The following KAT6B variants were observed in gnomAD, a reference collection of about 807,000 sequenced individuals.
The protein encoded by KAT6B is histone acetyltransferase KAT6B.
In KAT6B, 10 loss-of-function variants were observed where a neutral mutation model predicts 187.5. That is an observed-to-expected ratio of 0.05 (90% CI 0.03 to 0.09). KAT6B has a LOEUF of 0.09. Ranked by LOEUF, KAT6B falls within the 10% of genes least tolerant of loss-of-function variation. The pLI is 1.00. For missense variants in KAT6B, 1,952 were observed against 2,558.9 expected, an observed-to-expected ratio of 0.76 and a Z score of 5.12; for synonymous variants, 861 against 926.8, an observed-to-expected ratio of 0.93 and a Z score of 1.29.
intron 3 of KAT6B, among the ~76,000 whole-genome samples, chr10:74,928,548 C>T (rs1848651711): frequency 6.6e-6 from 1 of 152,082 alleles, no homozygotes; most frequent in Non-Finnish European, 1.5e-5. Context: ...ATAATATTTT[C>T]TATTTCATCA....
intron 4 of KAT6B, among the ~76,000 whole-genome samples, chr10:74,962,275 TTTGGGGGTTC>T (rs1841150745): frequency 6.6e-6 from 1 of 151,978 alleles, no homozygotes; most frequent in South Asian, 2.1e-4. Flanking sequence ...TTTTAGGGAG[TTTGGGGGTTC>T]TTGTGGTTCT....
At chr10:74,984,552 A>T (rs1842708652) in intron 11 of KAT6B, 1 of 156,050 alleles carries the variant, frequency 6.4e-6, no homozygotes, top group Admixed American at 6.3e-5. Context: ...ATCTTTTCCA[A>T]TTATATTTAA....
chr10:74,990,416 G>T (rs1363350490), intron 13 of KAT6B, among the ~76,000 whole-genome samples: 1 of 151,874 alleles, frequency 6.6e-6, no homozygotes, highest in Non-Finnish European at 1.5e-5. Flanking sequence ...ATATTGTTAG[G>T]TATTAAAAGA....
intron 4 of KAT6B, among the ~76,000 whole-genome samples, chr10:74,969,136 A>G (rs1337403937): frequency 6.6e-6 from 1 of 152,120 alleles, no homozygotes; most frequent in African/African-American, 2.4e-5. Flanking sequence ...TAGCCCAGCA[A>G]TGGGATGTTC....
At chr10:74,972,389 G>T in intron 6 of KAT6B, 118 bp from the exon 7 acceptor site, 1 of 720,894 alleles carries the variant, frequency 1.4e-6, no homozygotes, top group Non-Finnish European at 2.3e-6. Context: ...CGCATTTTTT[G>T]GAGTAAAGTT....
At chr10:75,013,499 T>C (rs539578832) in intron 13 of KAT6B, among the ~76,000 whole-genome samples, 2 of 152,242 alleles carry the variant, frequency 1.3e-5, no homozygotes, top group Admixed American at 1.3e-4. Context: ...CAGGCAAAAG[T>C]AGGAAAACAA....
chr10:74,877,931 G>GA lies in KAT6B; in HGVS notation c.621+34464dup, dbSNP rs111871596. Among the ~76,000 whole-genome samples, 1,205 of 129,948 alleles carry GA rather than the reference G, an allele frequency of 9.3e-3. 16 individuals carry two copies. Among genetic ancestry groups the GA allele is most frequent in the African/African-American group, 0.031 (1,107 of 35,324 alleles). 85.3% of individuals were successfully genotyped at this position (129,948 alleles called of 152,430 possible). ...TAAAGGGAAATACCAGATTGTAAAA[G>GA]AAAAAAAAAAAGCATGCTGGTTGTA... is the stretch of plus-strand genomic sequence containing the variant. On this transcript the variant is annotated intron_variant, in intron 3 of 17. Transcript: ENST00000287239.
intron 3 of KAT6B, among the ~76,000 whole-genome samples, chr10:74,923,454 A>G (rs552306071): frequency 2.4e-4 from 36 of 152,308 alleles, no homozygotes; most frequent in African/African-American, 8.4e-4. Context: ...GAGAAATGCT[A>G]TGGAGAAAAA....
intron 3 of KAT6B, among the ~76,000 whole-genome samples, chr10:74,901,032 A>G (rs1285783339): frequency 2.0e-5 from 3 of 151,956 alleles, no homozygotes; most frequent in Non-Finnish European, 4.4e-5. Flanking sequence ...AAAATCTTAA[A>G]TATCTTTTAC....
intron 3 of KAT6B, among the ~76,000 whole-genome samples, chr10:74,900,827 G>A (rs768125219): frequency 6.6e-6 from 1 of 152,204 alleles, no homozygotes; most frequent in Non-Finnish European, 1.5e-5. Flanking sequence ...TGTTGGGGGA[G>A]TGGGGGTTAA....
chr10:74,976,891 G>T, intron 8 of KAT6B: 1 of 270,248 alleles, frequency 3.7e-6, no homozygotes, highest in Non-Finnish European at 7.1e-6. Flanking sequence ...TAATTTCATT[G>T]AACAAATTGG....
chr10:74,976,032 T>C lies in KAT6B; in HGVS notation c.1695T>C (p.Tyr565=), dbSNP rs1267373046. 4.3e-6 allele frequency: 7 copies of C among 1,614,214 alleles called. No homozygotes were observed. The East Asian group carries it at 1.6e-4, about 36-fold the overall frequency. ...GQSRKKGHPS[Y]APPKRMRRKT... ...CTCGCAAAAAGGGACACCCGAGTTA[T>C]GCACCACCCAAACGTATGCGTCGTA... Residue 565 remains tyrosine, a synonymous_variant, in exon 8 of 18, where the codon TAT becomes TAC. Coordinates refer to ENST00000287239, the MANE Select transcript of KAT6B (RefSeq NM_012330.4).
rs539095319 is a variant in KAT6B, at chr10:74,880,751, G to A, written c.621+37273G>A. On this transcript the variant is annotated intron_variant, in intron 3 of 17. Transcript: ENST00000287239. ...CTGCCTCAGCCTCCCAAGTAACTGG[G>A]ATTACAGGCGCACGCCACCATGCCC... is the stretch of plus-strand genomic sequence containing the variant. 3.3e-5 allele frequency among the ~76,000 whole-genome samples: 5 copies of A among 152,176 alleles called. No homozygotes were observed. In the South Asian group the frequency reaches 1.0e-3, roughly 32 times the overall value.
chr10:74,870,550 C>T (rs558007400), intron 3 of KAT6B, among the ~76,000 whole-genome samples: 6 of 152,204 alleles, frequency 3.9e-5, no homozygotes, highest in Middle Eastern at 3.4e-3. Context: ...TTTCATTTTG[C>T]TTGTTTAAAT....
rs750005659 is a variant in KAT6B, at chr10:75,031,092, T to G, written c.*46T>G. 1.1e-5 allele frequency: 17 copies of G among 1,607,174 alleles called. No homozygotes were observed. The highest frequency in any genetic ancestry group is 1.4e-5 in the Non-Finnish European group (17 of 1,175,830). ...AACCTACGGGGCATCACTATTGGAT[T>G]GATCTGCACAAATACCTTTGAAGAG... On this transcript the variant is annotated 3_prime_UTR_variant, in exon 18 of 18. Coordinates refer to ENST00000287239, the MANE Select transcript of KAT6B (RefSeq NM_012330.4).
At chr10:74,945,910 T>C (rs1448124519) in intron 3 of KAT6B, among the ~76,000 whole-genome samples, 1 of 152,238 alleles carries the variant, frequency 6.6e-6, no homozygotes, top group Admixed American at 6.5e-5. Context: ...TCTTTTCTTA[T>C]AATGTCTTCA....
At chr10:74,841,962 G>A (rs1184175714) in intron 2 of KAT6B, among the ~76,000 whole-genome samples, 1 of 152,166 alleles carries the variant, frequency 6.6e-6, no homozygotes, top group East Asian at 1.9e-4. Context: ...GCTGTTTAAT[G>A]AGCTAACTGG....
At chr10:74,935,228 A>G (rs1332516550) in intron 3 of KAT6B, among the ~76,000 whole-genome samples, 1 of 152,242 alleles carries the variant, frequency 6.6e-6, no homozygotes, top group African/African-American at 2.4e-5. Context: ...ATTGGAGAGA[A>G]TGAAGAGCAC....
In KAT6B at chr10:74,969,695, A is replaced by G. The variant is rs1841724230; in HGVS notation, c.766A>G (p.Thr256Ala). ...CTGTTTGAAATTTTGTCCTGAATTA[A>G]CAACAAATGTAAAGGCCTTAAGGTG... ...PSCLKFCPEL[T>A]TNVKALRWQC... The change falls in exon 5 of 18, where the codon ACA (threonine) becomes GCA (alanine). Residue 256 changes from threonine to alanine, a missense_variant. Around this residue, in one of 9 missense-constraint regions of KAT6B, gnomAD observed 24 missense variants for 42.7 expected, o/e 0.56. Coordinates refer to ENST00000287239, the MANE Select transcript of KAT6B (RefSeq NM_012330.4). The G allele has an allele frequency of 1.2e-6, 2 of 1,613,904 alleles. No homozygotes were observed. The highest frequency in any genetic ancestry group is 2.7e-5 in the African/African-American group (2 of 74,934).
Sources: gnomAD v4.1 joint callset for allele counts (sites outside exome capture counted in the v4.1 genomes callset) on GRCh38, gnomAD v4.1.1 for gene constraint, gnomAD v4.1.1 regional missense constraint, MANE v1.5 for transcripts, NCBI Gene and HGNC (gene_info 2026-07-23, HGNC 2026-07-21) for gene names.